The following KATNBL1 variants were observed in gnomAD, a reference collection of about 807,000 sequenced individuals.
KATNBL1 encodes the protein KATNB1-like protein 1.
Under a neutral mutation model 44.7 loss-of-function variants are expected in KATNBL1, and 28 were observed. The ratio of observed to expected loss-of-function variants is 0.63; its 90% CI spans 0.46 to 0.86. The LOEUF (loss-of-function observed/expected upper bound fraction) is 0.86, where lower values mean the gene tolerates loss of function less well. Among genes scored for constraint, KATNBL1 ranks in the 40% least tolerant of loss-of-function variants. The pLI is 0.00. For missense variants in KATNBL1, 272 were observed against 350.7 expected (o/e 0.78, Z 1.79); for synonymous variants, 78 against 114.9 (o/e 0.68, Z 2.06).
intron 9 of KATNBL1, among the ~76,000 whole-genome samples, chr15:34,144,576 CTTT>C (rs1202455212): frequency 6.9e-6 from 1 of 144,634 alleles, no homozygotes. Context: ...TTTTTTCTTT[CTTT>C]TTTTTTTTTG....
At chr15:34,178,383 G>C (rs1889400377) in intron 1 of KATNBL1, among the ~76,000 whole-genome samples, 1 of 152,062 alleles carries the variant, frequency 6.6e-6, no homozygotes, top group Non-Finnish European at 1.5e-5. Flanking sequence ...GAGATTCATG[G>C]GGCCTTATCA....
At chr15:34,143,405 C>T (rs1319308260) in intron 9 of KATNBL1, among the ~76,000 whole-genome samples, 3 of 151,800 alleles carry the variant, frequency 2.0e-5, no homozygotes. Context: ...GCAGAGGTTG[C>T]AGTGAGCTGA....
At chr15:34,170,863 G>T (rs1889137554) in intron 1 of KATNBL1, among the ~76,000 whole-genome samples, 1 of 152,180 alleles carries the variant, frequency 6.6e-6, no homozygotes. Flanking sequence ...AAACGGTGCT[G>T]GGAAAACTGG....
intron 1 of KATNBL1, among the ~76,000 whole-genome samples, chr15:34,172,939 T>C (rs932987237): frequency 2.6e-5 from 4 of 152,292 alleles, no homozygotes; most frequent in Admixed American, 2.0e-4. Flanking sequence ...AATTGTACTT[T>C]GATAAACCTA....
intron 2 of KATNBL1, among the ~76,000 whole-genome samples, chr15:34,160,043 A>G (rs192580663): frequency 6.6e-6 from 1 of 152,258 alleles, no homozygotes; most frequent in Admixed American, 6.5e-5. Context: ...AAGATAAAAA[A>G]AGATATAGCC....
intron 1 of KATNBL1, among the ~76,000 whole-genome samples, chr15:34,203,936 G>A (rs914500395): frequency 1.3e-5 from 2 of 151,340 alleles, no homozygotes; most frequent in Non-Finnish European, 1.5e-5. Flanking sequence ...TGTAGATGAC[G>A]GGTTAATGGG....
chr15:34,148,933 C>A (rs1567517005), intron 4 of KATNBL1, among the ~76,000 whole-genome samples, 183 bp from the exon 5 acceptor site: 1 of 152,114 alleles, frequency 6.6e-6, no homozygotes, highest in South Asian at 2.1e-4. Context: ...AATTTAAGAC[C>A]CATTTATACT....
intron 1 of KATNBL1, among the ~76,000 whole-genome samples, chr15:34,184,121 G>A (rs542080141): frequency 6.6e-6 from 1 of 152,318 alleles, no homozygotes; most frequent in Non-Finnish European, 1.5e-5. Context: ...GGCTAACCCG[G>A]TGAAACCCCG....
chr15:34,200,986 T>C (rs997912864), intron 1 of KATNBL1, among the ~76,000 whole-genome samples: 3 of 152,012 alleles, frequency 2.0e-5, no homozygotes, highest in African/African-American at 7.3e-5. Flanking sequence ...CTGGCTAATT[T>C]TTTGTATTTT....
At chr15:34,198,198 A>T (rs915872994) in intron 1 of KATNBL1, 4 of 152,222 alleles carry the variant, frequency 2.6e-5, no homozygotes, top group African/African-American at 2.4e-5. Flanking sequence ...GACCTAAACC[A>T]TTCTAAGGTA....
intron 1 of KATNBL1, among the ~76,000 whole-genome samples, chr15:34,204,727 T>C (rs76787044): frequency 0.076 from 11,611 of 152,260 alleles, 482 homozygotes; most frequent in Middle Eastern, 0.11. Flanking sequence ...TAGGCAAGAA[T>C]AACTGCTTTT....
At chr15:34,185,989 T>C (rs1889703829) in intron 1 of KATNBL1, among the ~76,000 whole-genome samples, 1 of 152,218 alleles carries the variant, frequency 6.6e-6, no homozygotes, top group Admixed American at 6.5e-5. Flanking sequence ...AGACAAGAGT[T>C]ACTTTCTCAA....
intron 1 of KATNBL1, among the ~76,000 whole-genome samples, chr15:34,190,132 G>A (rs1889832083): frequency 1.3e-5 from 2 of 152,098 alleles, no homozygotes; most frequent in South Asian, 4.1e-4. Flanking sequence ...TTTTAGTAGA[G>A]ACAGGGTTTC....
chr15:34,205,881 T>G (rs1890282000), intron 1 of KATNBL1, among the ~76,000 whole-genome samples: 1 of 152,178 alleles, frequency 6.6e-6, no homozygotes, highest in Non-Finnish European at 1.5e-5. Context: ...CATCCTAAGA[T>G]TTCTTCCTCA....
At chr15:34,150,385 G>A (rs535410553) in intron 4 of KATNBL1, among the ~76,000 whole-genome samples, 37 of 152,312 alleles carry the variant, frequency 2.4e-4, no homozygotes, top group Middle Eastern at 6.8e-3. Flanking sequence ...CTTCAGCTCA[G>A]TAGTTCGAGA....
At chr15:34,149,547 C>T (rs1320565312) in intron 4 of KATNBL1, among the ~76,000 whole-genome samples, 3 of 152,070 alleles carry the variant, frequency 2.0e-5, no homozygotes, top group Admixed American at 6.5e-5. Flanking sequence ...CCTCACCCTC[C>T]CCGAGTAGCT....
At chr15:34,155,279 T>A (rs116033369) in intron 2 of KATNBL1, among the ~76,000 whole-genome samples, 162 of 152,282 alleles carry the variant, frequency 1.1e-3, no homozygotes, top group African/African-American at 3.7e-3. Flanking sequence ...TTCTTTAACA[T>A]GTCTTGGCAT....
At chr15:34,173,072 T>C (rs1312880558) in intron 1 of KATNBL1, among the ~76,000 whole-genome samples, 3 of 151,450 alleles carry the variant, frequency 2.0e-5, no homozygotes, top group Non-Finnish European at 4.4e-5. Flanking sequence ...TCAACAGAAG[T>C]TGGAAGAGAA....
At chr15:34,159,869 C>G (rs1442089467) in intron 2 of KATNBL1, among the ~76,000 whole-genome samples, 1 of 152,106 alleles carries the variant, frequency 6.6e-6, no homozygotes, top group African/African-American at 2.4e-5. Context: ...TGCTCTAAAC[C>G]CTTCTCCTTT....
Sources: gnomAD v4.1 joint callset for allele counts (sites outside exome capture counted in the v4.1 genomes callset) on GRCh38, gnomAD v4.1.1 for gene constraint, MANE v1.5 for transcripts, NCBI Gene and HGNC (gene_info 2026-07-23, HGNC 2026-07-21) for gene names.